Variants in PDE3B observed in about 807,000 individuals in gnomAD.
The protein encoded by PDE3B is phosphodiesterase 3B, also known as cGMP-inhibited 3',5'-cyclic phosphodiesterase 3B.
In PDE3B, 66 loss-of-function variants were observed where a neutral mutation model predicts 116.8. The ratio of observed to expected loss-of-function variants is 0.56; its 90% CI spans 0.46 to 0.69. PDE3B has a LOEUF of 0.69. Ranked by LOEUF, PDE3B falls within the 30% of genes least tolerant of loss-of-function variation. The probability of loss-of-function intolerance (pLI) is 0.00; values close to 1 mark genes in which losing one functional copy is unlikely to be tolerated. For missense variants in PDE3B, 1,384 were observed against 1,368.1 expected (o/e 1.01, Z -0.18); for synonymous variants, 595 against 533.6 (o/e 1.12, Z -1.59).
intron 1 of PDE3B, among the ~76,000 whole-genome samples, chr11:14,725,281 T>G (rs111440942): frequency 3.3e-5 from 5 of 149,478 alleles, no homozygotes; most frequent in African/African-American, 9.9e-5. Context: ...TTCTTTTTCT[T>G]TCTTTCTTTT....
the PDE3B span, among the ~76,000 whole-genome samples, chr11:14,884,909 A>C: frequency 6.6e-6 from 1 of 151,778 alleles, no homozygotes; most frequent in Non-Finnish European, 1.5e-5. Context: ...TCTTTGGTCT[A>C]ATTGTTTGTT....
intron 1 of PDE3B, among the ~76,000 whole-genome samples, chr11:14,693,134 C>T (rs1434674357): frequency 6.6e-6 from 1 of 152,208 alleles, no homozygotes; most frequent in Non-Finnish European, 1.5e-5. Context: ...GGCCCTAACT[C>T]TCTTCAATTC....
rs149705404 is a variant in PDE3B, at chr11:14,814,582, G to A, written c.1523-3601G>A. 5.0e-3 allele frequency among the ~76,000 whole-genome samples: 759 copies of A among 152,204 alleles called. 8 individuals are homozygous for A. Among genetic ancestry groups the A allele is most frequent in the African/African-American group, 0.018 (729 of 41,534 alleles). On this transcript the variant is annotated intron_variant, in intron 5 of 15. Transcript: ENST00000282096. ...TCCATAACTTCAGGGAAAAATTTCC[G>A]TAACAAGACATAAAAATACTTACCA...
intron 1 of PDE3B, among the ~76,000 whole-genome samples, chr11:14,740,201 G>C (rs1286648691): frequency 6.6e-6 from 1 of 152,062 alleles, no homozygotes. Flanking sequence ...TGTATCTCTG[G>C]TAGAATTGGG....
chr11:14,663,458 A>G (rs1023710356), intron 1 of PDE3B, among the ~76,000 whole-genome samples: 13 of 151,422 alleles, frequency 8.6e-5, no homozygotes, highest in African/African-American at 2.9e-4. Flanking sequence ...ACACATAACA[A>G]TATTAACTTT....
intron 1 of PDE3B, among the ~76,000 whole-genome samples, chr11:14,670,739 T>A (rs900818102): frequency 6.6e-6 from 1 of 152,124 alleles, no homozygotes; most frequent in African/African-American, 2.4e-5. Context: ...TTTGTGAAAA[T>A]CAAATTTTAC....
intron 1 of PDE3B, among the ~76,000 whole-genome samples, chr11:14,699,698 G>GA (rs1165827977): frequency 6.6e-6 from 1 of 151,680 alleles, no homozygotes; most frequent in African/African-American, 2.4e-5. Context: ...TGCTTAATAT[G>GA]AAAAACCTCA....
chr11:14,709,870 G>A (rs1329139753), intron 1 of PDE3B, among the ~76,000 whole-genome samples: 1 of 151,878 alleles, frequency 6.6e-6, no homozygotes, highest in Non-Finnish European at 1.5e-5. Flanking sequence ...CTTAACTTTG[G>A]TGTCCTTGCT....
downstream of PDE3B, among the ~76,000 whole-genome samples, chr11:14,875,700 A>G (rs112041029): frequency 8.5e-4 from 129 of 152,338 alleles, 1 homozygote; most frequent in African/African-American, 3.0e-3. Context: ...TATAAATAGT[A>G]AAGCATAAGA....
chr11:14,778,015 T>A (rs1395390931), intron 2 of PDE3B, among the ~76,000 whole-genome samples: 1 of 152,178 alleles, frequency 6.6e-6, no homozygotes, highest in Non-Finnish European at 1.5e-5. Flanking sequence ...ACCAGGAGAT[T>A]ATGTCCTGTG....
At chr11:14,878,572 A>G in the PDE3B span, among the ~76,000 whole-genome samples, 2 of 152,130 alleles carry the variant, frequency 1.3e-5, no homozygotes, top group Non-Finnish European at 2.9e-5. Context: ...AGCCTAAGAT[A>G]TGCCACAAAA....
chr11:14,851,161 G>A (rs1361056304), intron 12 of PDE3B, among the ~76,000 whole-genome samples: 1 of 151,874 alleles, frequency 6.6e-6, no homozygotes, highest in African/African-American at 2.4e-5. Flanking sequence ...GTGTGGTTGT[G>A]GTTTAAGCAG....
chr11:14,644,794 T>A lies in PDE3B; in HGVS notation c.719T>A (p.Leu240Gln). The change falls in exon 1 of 16, where the codon CTG (leucine) becomes CAG (glutamine). Residue 240 changes from leucine (L) to glutamine (Q), a missense_variant. Around this residue, in one of 2 missense-constraint regions of PDE3B, gnomAD observed 956 missense variants for 806.8 expected, o/e 1.18. Coordinates refer to ENST00000282096, the MANE Select transcript of PDE3B (RefSeq NM_000922.4). ...GTCTCCTTCACCAGCCTCGGGTCGC[T>A]GCCCTCCGCCCTCAGGCCGCTGCTC... ...WWVSFTSLGSLPSALRPLLSG... is the reference protein window; with the variant it reads ...WWVSFTSLGSQPSALRPLLSG... 1 of 1,610,702 alleles carries A rather than the reference T, an allele frequency of 6.2e-7. No individual in the cohort carries two copies. The highest frequency in any genetic ancestry group is 8.5e-7 in the Non-Finnish European group (1 of 1,178,438).
chr11:14,664,292 T>C (rs1284622658), intron 1 of PDE3B, among the ~76,000 whole-genome samples: 13 of 151,906 alleles, frequency 8.6e-5, no homozygotes, highest in African/African-American at 1.5e-4. Flanking sequence ...TTTATAGCAG[T>C]AAATGCCCAC....
Position 14,830,819 on chromosome 11 carries a change from A to G in PDE3B, c.1929A>G (p.Glu643=). 1 of 1,512,228 alleles carries G rather than the reference A, an allele frequency of 6.6e-7. No individual in the cohort carries two copies. Among genetic ancestry groups the G allele is most frequent in the East Asian group, 2.5e-5 (1 of 39,260 alleles). The allele number at this position is 1,512,228 out of a possible 1,614,324, so 93.7% of individuals were successfully genotyped here. Residue 643 remains glutamate, a synonymous_variant, in exon 8 of 16, where the codon GAA becomes GAG. Transcript: ENST00000282096. The part of the protein sequence containing the change: ...LFQEGDKWLT[E]EAQSEQQTNI... Reference sequence around the variant, plus strand: ...AGGAAGGTGATAAGTGGCTAACAGAAGAGGCACAGAGTGAACAGCAAACAA... The same window carrying G: ...AGGAAGGTGATAAGTGGCTAACAGAGGAGGCACAGAGTGAACAGCAAACAA...
At chr11:14,789,354 G>A in intron 4 of PDE3B, 112 bp downstream of exon 4, 1 of 754,278 alleles carries the variant, frequency 1.3e-6, no homozygotes, top group Non-Finnish European at 2.1e-6. Context: ...AAGTATTTTA[G>A]GTATAGGACA....
Position 14,747,395 on chromosome 11 carries a change from C to T in PDE3B, c.979-24542C>T, listed in dbSNP as rs1017209179. ...GCCACTTTTGACTAGACTTACACAA[C>T]ATAACACAAATATCAAAGCCTCAAC... is the stretch of plus-strand genomic sequence containing the variant. On this transcript the variant is annotated intron_variant, in intron 1 of 15. Coordinates refer to ENST00000282096, the MANE Select transcript of PDE3B (RefSeq NM_000922.4). Among the ~76,000 whole-genome samples, 7 of 152,172 alleles carry T rather than the reference C, an allele frequency of 4.6e-5. No individual in the cohort carries two copies. In the South Asian group the frequency reaches 6.2e-4, roughly 13 times the overall value.
chr11:14,686,767 G>T (rs1176801902), intron 1 of PDE3B, among the ~76,000 whole-genome samples: 1 of 151,910 alleles, frequency 6.6e-6, no homozygotes, highest in Non-Finnish European at 1.5e-5. Flanking sequence ...AAGCTGGAGT[G>T]CAGTGGCATG....
intron 1 of PDE3B, among the ~76,000 whole-genome samples, chr11:14,712,565 C>T (rs556721537): frequency 4.2e-5 from 6 of 141,886 alleles, no homozygotes; most frequent in Admixed American, 2.3e-4. Context: ...GTCTCCGCCT[C>T]GCAGGTTCAA....
Sources: gnomAD v4.1 joint callset for allele counts (sites outside exome capture counted in the v4.1 genomes callset) on GRCh38, gnomAD v4.1.1 for gene constraint, gnomAD v4.1.1 regional missense constraint, MANE v1.5 for transcripts, NCBI Gene and HGNC (gene_info 2026-07-23, HGNC 2026-07-21) for gene names.